CLCA4: variants seen among roughly 807,000 people sequenced by gnomAD.
The protein encoded by CLCA4 is chloride channel accessory 4.
In CLCA4, 69 loss-of-function variants were observed where a neutral mutation model predicts 78.9. That is an observed-to-expected ratio of 0.87 (90% CI 0.72 to 1.07). CLCA4 has a LOEUF of 1.07. CLCA4 is among the 50% of genes least tolerant of loss of function. The probability of loss-of-function intolerance (pLI) is 0.00; values close to 1 mark genes in which losing one functional copy is unlikely to be tolerated. For synonymous variants in CLCA4, 362 were observed against 375.8 expected, an observed-to-expected ratio of 0.96 and a Z score of 0.42; for missense variants, 1,133 against 1,095.8, an observed-to-expected ratio of 1.03 and a Z score of -0.48.
rs761435066 is a variant in CLCA4, at chr1:86,580,076, G to C, written c.2491G>C (p.Glu831Gln). The C allele has an allele frequency of 6.2e-7, 1 of 1,612,804 alleles. No individual in the cohort carries two copies. Among genetic ancestry groups the C allele is most frequent in the African/African-American group, 1.3e-5 (1 of 74,808 alleles). ...CAAGGAAAGCTTTGCATTTAAACCA[G>C]AAAATATCTCAGAAGAAAATGCAAC... The part of the protein sequence containing the change: ...NSKESFAFKP[E>Q]NISEENATHI... Residue 831 changes from glutamate (E) to glutamine (Q), a missense_variant, in exon 14 of 14, where the codon GAA (glutamate) becomes CAA (glutamine). By Grantham distance (29) the Glu-to-Gln change is conservative. Coordinates refer to ENST00000370563, the MANE Select transcript of CLCA4 (RefSeq NM_012128.4).
intron 11 of CLCA4, among the ~76,000 whole-genome samples, chr1:86,577,398 G>C (rs750901416): frequency 1.3e-5 from 2 of 152,056 alleles, no homozygotes; most frequent in African/African-American, 2.4e-5. Context: ...CCTTTCCCTA[G>C]GAAGTCTGGG....
chr1:86,554,517 G>A (rs534653117), intron 1 of CLCA4, among the ~76,000 whole-genome samples: 96 of 152,136 alleles, frequency 6.3e-4, no homozygotes, highest in African/African-American at 2.1e-3. Context: ...TGCCCACCGC[G>A]GCCTCCCAAG....
intron 9 of CLCA4, chr1:86,572,978 G>T (rs552390129): frequency 2.5e-6 from 1 of 397,550 alleles, no homozygotes; most frequent in African/African-American, 2.0e-5. Flanking sequence ...ACATTACAAT[G>T]TTATAATGTC....
chr1:86,580,326 T>C lies in CLCA4; in HGVS notation c.2741T>C (p.Ile914Thr), dbSNP rs1650678958. The change falls in exon 14 of 14, where the codon ATT (isoleucine) becomes ACT (threonine). Residue 914 changes from isoleucine to threonine, a missense_variant. Ile to Thr is a moderately conservative substitution (Grantham distance 89). Transcript: ENST00000370563. ...VIGSVVIVNFILSTTI is the reference protein window; with the variant it reads ...VIGSVVIVNFTLSTTI ...GGGTCTGTTGTAATTGTTAACTTTA[T>C]TTTAAGTACCACCATTTGAACCTTA... 1 of 1,592,220 alleles carries C rather than the reference T, an allele frequency of 6.3e-7. No individual in the cohort carries two copies. The highest frequency in any genetic ancestry group is 1.3e-5 in the African/African-American group (1 of 74,196).
intron 7 of CLCA4, among the ~76,000 whole-genome samples, chr1:86,569,341 A>G (rs925259648): frequency 2.0e-5 from 3 of 152,058 alleles, no homozygotes; most frequent in Admixed American, 2.0e-4. Flanking sequence ...GATTATTCTA[A>G]GAAATTATAG....
intron 1 of CLCA4, among the ~76,000 whole-genome samples, chr1:86,548,697 A>T (rs1344266376): frequency 1.3e-5 from 2 of 151,838 alleles, no homozygotes; most frequent in Admixed American, 1.3e-4. Context: ...AAAAAAAAAA[A>T]AAAAAAAAAG....
intron 1 of CLCA4, chr1:86,552,715 G>T: frequency 1.4e-6 from 2 of 1,383,234 alleles, no homozygotes; most frequent in East Asian, 2.3e-5. Flanking sequence ...CCAAGCCCTC[G>T]AGCCCTTCAC....
At chr1:86,577,396 T>G (rs781092368) in intron 11 of CLCA4, among the ~76,000 whole-genome samples, 29 of 152,222 alleles carry the variant, frequency 1.9e-4, no homozygotes, top group Non-Finnish European at 2.6e-4. Context: ...GACCTTTCCC[T>G]AGGAAGTCTG....
intron 1 of CLCA4, among the ~76,000 whole-genome samples, chr1:86,556,400 G>A (rs1489368916): frequency 1.3e-5 from 2 of 151,574 alleles, no homozygotes; most frequent in Non-Finnish European, 3.0e-5. Context: ...TTATTGTGGT[G>A]TTGAATTATA....
At position 86,547,361 on chromosome 1, in the gene CLCA4, G is replaced by A. The variant is rs1649534782; in HGVS notation, c.159+83G>A. On this transcript the variant is annotated intron_variant, in intron 1 of 13. Coordinates refer to ENST00000370563, the MANE Select transcript of CLCA4 (RefSeq NM_012128.4). ...TTGACATATAATTGTACATATTTAT[G>A]GCATACAAAGTAGTATTTCTATACA... is the stretch of plus-strand genomic sequence containing the variant. 4 of 1,077,496 alleles carry A rather than the reference G, an allele frequency of 3.7e-6. No homozygotes were observed. In the East Asian group the frequency reaches 8.4e-5, roughly 23 times the overall value. The allele number at this position is 1,077,496 out of a possible 1,614,324, so 66.7% of individuals were successfully genotyped here.
intron 7 of CLCA4, among the ~76,000 whole-genome samples, chr1:86,569,282 T>C (rs1650283650): frequency 6.6e-6 from 1 of 151,882 alleles, no homozygotes. Context: ...GTGGTTCAGA[T>C]AGAAAAGAAA....
chr1:86,570,980 CTTTG>C (rs1329700876), intron 7 of CLCA4, 93 bp from the exon 8 acceptor site: 10 of 853,396 alleles, frequency 1.2e-5, no homozygotes, highest in Middle Eastern at 2.3e-4. Context: ...TTCTGCATAA[CTTTG>C]TTTATTTTCT....
chr1:86,578,054 C>A lies in CLCA4; in HGVS notation c.2104C>A (p.Pro702Thr), dbSNP rs747386218. The change falls in exon 12 of 14, where the codon CCA becomes ACA. Residue 702 changes from proline (P) to threonine (T), a missense_variant. Pro to Thr is a conservative substitution (Grantham distance 38). Coordinates refer to ENST00000370563, the MANE Select transcript of CLCA4 (RefSeq NM_012128.4). ...TCCACTGAATAGAGCCGCGTACATACCAGGCTGGGTAGTGAACGGTGAGTA... is the reference window on the plus strand; with the variant it reads ...TCCACTGAATAGAGCCGCGTACATAACAGGCTGGGTAGTGAACGGTGAGTA... ...RPPLNRAAYI[P>T]GWVVNGEIEA... The A allele has an allele frequency of 1.1e-5, 18 of 1,611,414 alleles. No homozygotes were observed. The South Asian group carries it at 1.5e-4, about 14-fold the overall frequency.
chr1:86,552,722 TCA>T, intron 1 of CLCA4: 2 of 1,417,426 alleles, frequency 1.4e-6, no homozygotes, highest in Non-Finnish European at 2.0e-6. Flanking sequence ...CTCGAGCCCT[TCA>T]CAGGGGCCCG....
At chr1:86,563,253 A>AAT (rs1650076702) in intron 3 of CLCA4, among the ~76,000 whole-genome samples, 1 of 151,378 alleles carries the variant, frequency 6.6e-6, no homozygotes, top group Admixed American at 6.6e-5. Context: ...TATAATTAAA[A>AAT]ATTGTTTCAT....
rs576814751 is a variant in CLCA4, at chr1:86,560,322, C to T, written c.412C>T (p.Leu138=). The T allele has an allele frequency of 2.5e-6, 4 of 1,613,796 alleles. No homozygotes were observed. The highest frequency in any genetic ancestry group is 2.7e-5 in the African/African-American group (2 of 75,010). Residue 138 remains leucine (L), a synonymous_variant, in exon 3 of 14, where the codon CTA becomes TTA. Coordinates refer to ENST00000370563, the MANE Select transcript of CLCA4 (RefSeq NM_012128.4). Reference sequence around the variant, plus strand: ...ATACATTCACTTCACCCCTGACCTTCTACTTGGAAAAAAACAAAATGAATA... The same window carrying T: ...ATACATTCACTTCACCCCTGACCTTTTACTTGGAAAAAAACAAAATGAATA... The part of the protein sequence containing the change: ...GEYIHFTPDL[L]LGKKQNEYGP...
chr1:86,547,236 T>C lies in CLCA4; in HGVS notation c.117T>C (p.Asp39=). ...TTGAAGATATTGTCATTGTTATAGA[T>C]CCTAGTGTGCCAGAAGATGAAAAAA... ...NGFEDIVIVI[D]PSVPEDEKII... Residue 39 remains aspartate, a synonymous_variant, in exon 1 of 14, where the codon GAT becomes GAC. Transcript: ENST00000370563. 1 of 1,607,204 alleles carries C rather than the reference T, an allele frequency of 6.2e-7. No individual in the cohort carries two copies. The highest frequency in any genetic ancestry group is 8.5e-7 in the Non-Finnish European group (1 of 1,177,810).
chr1:86,571,448 C>T (rs529805823), intron 8 of CLCA4, 194 bp downstream of exon 8: 2 of 500,968 alleles, frequency 4.0e-6, no homozygotes, highest in East Asian at 6.0e-5. Context: ...ATAACATAAT[C>T]AGATAGCATT....
chr1:86,574,938 G>C (rs1354005943), intron 10 of CLCA4, among the ~76,000 whole-genome samples, 183 bp downstream of exon 10: 2 of 152,012 alleles, frequency 1.3e-5, no homozygotes, highest in Non-Finnish European at 2.9e-5. Flanking sequence ...TATATATCAA[G>C]AAGAAGGAAG....
Sources: gnomAD v4.1 joint callset for allele counts (sites outside exome capture counted in the v4.1 genomes callset) on GRCh38, gnomAD v4.1.1 for gene constraint, MANE v1.5 for transcripts, NCBI Gene and HGNC (gene_info 2026-07-23, HGNC 2026-07-21) for gene names.